GARNL3: variants seen among roughly 807,000 people sequenced by gnomAD.
The protein encoded by GARNL3 is GTPase activating Rap/RanGAP domain like 3, also known as GTPase-activating Rap/Ran-GAP domain-like protein 3.
In GARNL3, 63 loss-of-function variants were observed where a neutral mutation model predicts 125.0. The ratio of observed to expected loss-of-function variants is 0.50; its 90% CI spans 0.41 to 0.62. The LOEUF (loss-of-function observed/expected upper bound fraction) is 0.62. GARNL3 is among the 20% of genes least tolerant of loss of function. The pLI, the probability that GARNL3 is intolerant of heterozygous loss-of-function variation, is 0.00. For synonymous variants in GARNL3, 439 were observed against 457.5 expected (o/e 0.96, Z 0.52); for missense variants, 994 against 1,244.0 (o/e 0.80, Z 3.02).
intron 22 of GARNL3, among the ~76,000 whole-genome samples, chr9:127,369,717 A>T (rs10987619): frequency 0.2 from 30,520 of 152,188 alleles, 3,973 homozygotes; most frequent in Admixed American, 0.36. Context: ...GCAGACTGGG[A>T]GCACAGATGA....
intron 1 of GARNL3, among the ~76,000 whole-genome samples, chr9:127,235,868 A>G (rs1564838792): frequency 6.6e-6 from 1 of 151,846 alleles, no homozygotes; most frequent in South Asian, 2.1e-4. Context: ...ACTACAGTCA[A>G]CTCTTTGCAC....
intron 2 of GARNL3, among the ~76,000 whole-genome samples, chr9:127,311,124 C>T (rs2039406): frequency 0.29 from 43,819 of 151,742 alleles, 8,381 homozygotes; most frequent in African/African-American, 0.54. Context: ...GCCAATAACA[C>T]AGGATTATAT....
At chr9:127,355,041 C>A (rs1389138424) in intron 19 of GARNL3, among the ~76,000 whole-genome samples, 1 of 152,254 alleles carries the variant, frequency 6.6e-6, no homozygotes, top group Non-Finnish European at 1.5e-5. Context: ...TATTCGCCCG[C>A]CTCGGCCTCT....
chr9:127,325,228 G>A (rs1033500783), intron 7 of GARNL3, 133 bp downstream of exon 7: 19 of 806,162 alleles, frequency 2.4e-5, no homozygotes, highest in South Asian at 3.3e-5. Context: ...GACACATTGC[G>A]CGGAAAGAAC....
At chr9:127,318,525 A>G (rs1263966273) in intron 5 of GARNL3, among the ~76,000 whole-genome samples, 1 of 152,224 alleles carries the variant, frequency 6.6e-6, no homozygotes, top group Non-Finnish European at 1.5e-5. Context: ...ATAATCAAGA[A>G]ATATTTTTCC....
At position 127,373,874 on chromosome 9, in the gene GARNL3, T is replaced by G. The variant is rs1215907240; in HGVS notation, c.2161+8508T>G. Among the ~76,000 whole-genome samples, 2 of 152,066 alleles carry G rather than the reference T, an allele frequency of 1.3e-5. 1 individual carries two copies. Among genetic ancestry groups the G allele is most frequent in the South Asian group, 4.1e-4 (2 of 4,824 alleles). On this transcript the variant is annotated intron_variant, in intron 22 of 27. Coordinates refer to ENST00000373387, the MANE Select transcript of GARNL3 (RefSeq NM_032293.5). ...ACAAAAAATTAGCTGGGCATGGTAG[T>G]GCACACCTGCAATCCCAGCTACTTG...
At chr9:127,247,956 C>G (rs1402573379) in intron 2 of GARNL3, among the ~76,000 whole-genome samples, 3 of 152,150 alleles carry the variant, frequency 2.0e-5, no homozygotes, top group Non-Finnish European at 4.4e-5. Flanking sequence ...CTCTGGTAGC[C>G]CTCCTCCTAC....
chr9:127,309,590 A>G (rs988835070), intron 2 of GARNL3, among the ~76,000 whole-genome samples: 2 of 152,250 alleles, frequency 1.3e-5, no homozygotes, highest in Non-Finnish European at 2.9e-5. Flanking sequence ...GCAGTATATT[A>G]AAAGAATACT....
At chr9:127,360,238 G>T (rs1830916257) in intron 21 of GARNL3, among the ~76,000 whole-genome samples, 2 of 152,076 alleles carry the variant, frequency 1.3e-5, no homozygotes, top group South Asian at 2.1e-4. Context: ...GGCCAGGATG[G>T]TCTCAATCTC....
chr9:127,371,458 A>AT (rs1831602464), intron 22 of GARNL3, among the ~76,000 whole-genome samples: 1 of 152,200 alleles, frequency 6.6e-6, no homozygotes, highest in Non-Finnish European at 1.5e-5. Flanking sequence ...GCACGGAAGG[A>AT]ACTGGTGCAG....
chr9:127,353,385 T>C (rs1031892119), intron 17 of GARNL3: 1 of 154,410 alleles, frequency 6.5e-6, no homozygotes, highest in African/African-American at 2.4e-5. Flanking sequence ...GAAATTTTAA[T>C]TTTGCTTTCT....
At chr9:127,254,463 G>T (rs1449616472) in intron 2 of GARNL3, among the ~76,000 whole-genome samples, 1 of 152,286 alleles carries the variant, frequency 6.6e-6, no homozygotes, top group South Asian at 2.1e-4. Context: ...AACAAAAAAT[G>T]GGTTGGTATT....
chr9:127,283,714 G>A (rs1160675472), intron 1 of GARNL3, among the ~76,000 whole-genome samples: 3 of 152,102 alleles, frequency 2.0e-5, no homozygotes, highest in Non-Finnish European at 2.9e-5. Flanking sequence ...CAAGGCTGGT[G>A]GCCACAGTAT....
At chr9:127,377,474 C>G (rs1280115588) in intron 22 of GARNL3, among the ~76,000 whole-genome samples, 1 of 151,864 alleles carries the variant, frequency 6.6e-6, no homozygotes, top group Non-Finnish European at 1.5e-5. Context: ...GTGGAGAGAG[C>G]CTTTATAAGG....
intron 2 of GARNL3, among the ~76,000 whole-genome samples, chr9:127,302,890 G>A (rs1346871661): frequency 6.6e-6 from 1 of 152,244 alleles, no homozygotes; most frequent in African/African-American, 2.4e-5. Context: ...GGTGGCTCAC[G>A]CCTGTAATCC....
chr9:127,389,959 A>G (rs1004732309), intron 26 of GARNL3, among the ~76,000 whole-genome samples: 3 of 151,136 alleles, frequency 2.0e-5, no homozygotes, highest in African/African-American at 7.3e-5. Flanking sequence ...ATGAGAGGCC[A>G]AATCAGAGAA....
intron 1 of GARNL3, among the ~76,000 whole-genome samples, chr9:127,275,015 C>A (rs977327953): frequency 6.6e-6 from 1 of 152,172 alleles, no homozygotes; most frequent in African/African-American, 2.4e-5. Flanking sequence ...CCTCAACTTT[C>A]AGATAAGCAA....
At chr9:127,231,050 ATTTTTTTT>A (rs71308298) in intron 1 of GARNL3, among the ~76,000 whole-genome samples, 7 of 89,540 alleles carry the variant, frequency 7.8e-5, no homozygotes, top group Non-Finnish European at 1.1e-4. Flanking sequence ...ATATATATAT[ATTTTTTTT>A]TTTTTTTTTT....
intron 1 of GARNL3, among the ~76,000 whole-genome samples, chr9:127,230,449 C>CG (rs1236863513): frequency 6.6e-6 from 1 of 152,064 alleles, no homozygotes; most frequent in Admixed American, 6.6e-5. Flanking sequence ...CACCTGAGGT[C>CG]GGGAGTTCGA....
Sources: allele counts gnomAD v4.1 joint callset (sites outside exome capture counted in the v4.1 genomes callset), GRCh38; gene constraint gnomAD v4.1.1; transcripts MANE v1.5; gene names NCBI Gene and HGNC (gene_info 2026-07-23, HGNC 2026-07-21).